The following NEB variants were observed in gnomAD, a reference collection of about 807,000 sequenced individuals.
NEB encodes nebulin, also known as nemaline myopathy type 2.
A neutral mutation model predicts 952.2 loss-of-function variants in NEB; 512 were observed. The observed-to-expected ratio is 0.54, with a 90% CI of 0.50 to 0.58. The LOEUF (loss-of-function observed/expected upper bound fraction) is 0.58. Ranked by LOEUF, NEB falls within the 20% of genes least tolerant of loss-of-function variation. NEB has a pLI of 0.00. For missense variants in NEB, 8,428 were observed against 9,231.1 expected (o/e 0.91, Z 3.56); for synonymous variants, 2,900 against 3,149.8 (o/e 0.92, Z 2.66).
At position 151,619,692 on chromosome 2, in the gene NEB, G is replaced by C; in HGVS notation, c.10631C>G (p.Pro3544Arg). ...AATGTGGAGGGACCACATTATCTTG[G>C]GGTCATCGTGTACTGCTCGGGCGCC... is the stretch of plus-strand genomic sequence containing the variant. The part of the protein sequence containing the change: ...HIGARAVHDD[P>R]KIMWSLHIAK... Residue 3544 changes from proline to arginine, a missense_variant, in exon 73 of 182, where the codon CCC becomes CGC. This residue lies in a region of NEB where 1,772 missense variants were observed against 1,960.3 expected (regional missense o/e 0.90). Coordinates refer to ENST00000397345, the MANE Select transcript of NEB (RefSeq NM_001164508.2). 1 of 1,613,858 alleles carries C rather than the reference G, an allele frequency of 6.2e-7. No individual in the cohort carries two copies. Among genetic ancestry groups the C allele is most frequent in the Non-Finnish European group, 8.5e-7 (1 of 1,179,836 alleles).
In NEB at chr2:151,555,871, TA is replaced by T. The variant is rs59427070; in HGVS notation, c.19315-828del. On this transcript the variant is annotated intron_variant, in intron 124 of 181. Coordinates refer to ENST00000397345, the MANE Select transcript of NEB (RefSeq NM_001164508.2). ...AGATGATGGCATTTAAAGGCACCGT[TA>T]AAAAAAAAAAAAACACATACACACA... Among the ~76,000 whole-genome samples, 413 of 144,112 alleles carry T rather than the reference TA, an allele frequency of 2.9e-3. 2 individuals are homozygous for T. Among genetic ancestry groups the T allele is most frequent in the African/African-American group, 7.2e-3 (284 of 39,364 alleles). 94.5% of individuals were successfully genotyped at this position (144,112 alleles called of 152,430 possible). A position where few individuals can be genotyped will look rare whatever the true frequency, so the allele number is the denominator to read the frequency against.
At position 151,611,434 on chromosome 2, in the gene NEB, A is replaced by G. The variant is rs79130216; in HGVS notation, c.11806-568T>C. On this transcript the variant is annotated intron_variant, in intron 78 of 181. Coordinates refer to ENST00000397345, the MANE Select transcript of NEB (RefSeq NM_001164508.2). ...TTATCATTGTGGTTGCTGTTGATGGATATAGTATAAAAGAGTTTCTAGAGT... is the reference window on the plus strand; with the variant it reads ...TTATCATTGTGGTTGCTGTTGATGGGTATAGTATAAAAGAGTTTCTAGAGT... Among the ~76,000 whole-genome samples, 1,347 of 152,274 alleles carry G rather than the reference A, an allele frequency of 8.8e-3. 15 individuals carry two copies. Among genetic ancestry groups the G allele is most frequent in the South Asian group, 0.029 (140 of 4,818 alleles).
In NEB at chr2:151,567,343, T is replaced by A; in HGVS notation, c.17981A>T (p.His5994Leu). 12 of 1,613,934 alleles carry A rather than the reference T, an allele frequency of 7.4e-6. No individual in the cohort carries two copies. Among genetic ancestry groups the A allele is most frequent in the Non-Finnish European group, 1.0e-5 (12 of 1,179,846 alleles). ...QNERLYKEDYHKTKAKINIPA... is the reference protein window; with the variant it reads ...QNERLYKEDYLKTKAKINIPA... ...TATATTGATTTTGGCCTTTGTTTTG[T>A]GATAGTCCTCTTTGTATAGTCTCTC... is the stretch of plus-strand genomic sequence containing the variant. The change falls in exon 114 of 182, where the codon CAC becomes CTC. Residue 5994 changes from histidine to leucine, a missense_variant. His to Leu is a moderately conservative substitution (Grantham distance 99). Around this residue, in one of 11 missense-constraint regions of NEB, gnomAD observed 3,374 missense variants for 3,651.5 expected, o/e 0.92. Transcript: ENST00000397345.
chr2:151,558,987 A>C (rs1395568227), intron 124 of NEB, among the ~76,000 whole-genome samples: 2 of 152,208 alleles, frequency 1.3e-5, no homozygotes, highest in Non-Finnish European at 2.9e-5. Flanking sequence ...AGAAACTACT[A>C]TCAGAGTGAA....
chr2:151,633,079 T>C (rs1384274618), intron 65 of NEB, among the ~76,000 whole-genome samples: 10 of 152,198 alleles, frequency 6.6e-5, no homozygotes, highest in Non-Finnish European at 1.5e-4. Flanking sequence ...TCAAAGTTTA[T>C]AAAATACCTA....
Position 151,650,378 on chromosome 2 carries a change from T to C in NEB, c.7229A>G (p.Asn2410Ser). Residue 2410 changes from asparagine to serine, a missense_variant and splice_region_variant, in exon 54 of 182, where the codon AAT becomes AGT. Asn to Ser is a conservative substitution (Grantham distance 46). Transcript: ENST00000397345. Reference sequence around the variant, plus strand: ...CCACTCAAGGTCAGATTTATATAGATTCTGTGAAAAGACAGAGCAAGCCAT... The same window carrying C: ...CCACTCAAGGTCAGATTTATATAGACTCTGTGAAAAGACAGAGCAAGCCAT... ...AKKVYELQSENLYKSDLEWLR... is the reference protein window; with the variant it reads ...AKKVYELQSESLYKSDLEWLR... 6.2e-7 allele frequency: 1 copy of C among 1,613,508 alleles called. No homozygotes were observed. The highest frequency in any genetic ancestry group is 1.3e-5 in the African/African-American group (1 of 75,034).
intron 153 of NEB, among the ~76,000 whole-genome samples, chr2:151,521,398 T>A (rs548535958): frequency 2.4e-4 from 37 of 152,210 alleles, no homozygotes; most frequent in African/African-American, 7.5e-4. Flanking sequence ...TGAAAAAGTT[T>A]CACTCTCAAC....
At chr2:151,506,841 G>T in intron 163 of NEB, 68 bp downstream of exon 163, 1 of 1,012,854 alleles carries the variant, frequency 9.9e-7, no homozygotes. Flanking sequence ...TATAAGGCTA[G>T]TATATTTTTA....
intron 129 of NEB, among the ~76,000 whole-genome samples, chr2:151,551,205 G>A (rs757005119): frequency 4.0e-5 from 6 of 151,894 alleles, no homozygotes; most frequent in Non-Finnish European, 5.9e-5. Flanking sequence ...CTGACCTCAG[G>A]TGATCTGCCC....
In NEB at chr2:151,625,650, A is replaced by T; in HGVS notation, c.10348-12T>A. ...TCTGTGTATAAGCGCTGTGAAGGAT[A>T]AAAAGGTTAATGAATTAGAAAAACA... is the stretch of plus-strand genomic sequence containing the variant. On this transcript the variant is annotated splice_polypyrimidine_tract_variant and intron_variant, in intron 70 of 181. Transcript: ENST00000397345. The T allele has an allele frequency of 6.5e-7, 1 of 1,539,780 alleles. No homozygotes were observed.
rs752233745 is a variant in NEB, at chr2:151,554,963, G to A, written c.19396C>T (p.Arg6466Trp). 177 of 1,613,608 alleles carry A rather than the reference G, an allele frequency of 1.1e-4. No homozygotes were observed. Among genetic ancestry groups the A allele is most frequent in the Non-Finnish European group, 1.5e-4 (172 of 1,179,698 alleles). ...RSVDDDPNTA[R>W]CLRVGKLNID... is the part of the protein sequence containing the mutation. The stretch of plus-strand genomic sequence containing the variant: ...TTAAGCTTGCCAACTCGGAGGCACC[G>A]TGCTGTGTTCGGATCATCGTCAACA... The change falls in exon 125 of 182, where the codon CGG (arginine) becomes TGG (tryptophan). Residue 6466 changes from arginine to tryptophan, a missense_variant. Arg to Trp is a moderately radical substitution (Grantham distance 101). Around this residue, in one of 11 missense-constraint regions of NEB, gnomAD observed 3,374 missense variants for 3,651.5 expected, o/e 0.92. Transcript: ENST00000397345.
At chr2:151,674,803 G>A (rs2099346290) in intron 35 of NEB, among the ~76,000 whole-genome samples, 1 of 152,148 alleles carries the variant, frequency 6.6e-6, no homozygotes, top group Non-Finnish European at 1.5e-5. Context: ...ATTGAAGAGA[G>A]GAATATTGAA....
intron 92 of NEB, among the ~76,000 whole-genome samples, chr2:151,594,573 C>G (rs2097362593): frequency 6.9e-6 from 1 of 145,774 alleles, no homozygotes; most frequent in Non-Finnish European, 1.5e-5. Context: ...CTAACATTTA[C>G]TAAGTAATTA....
chr2:151,695,362 C>T (rs911090855), intron 18 of NEB, among the ~76,000 whole-genome samples: 2 of 152,070 alleles, frequency 1.3e-5, no homozygotes, highest in Non-Finnish European at 2.9e-5. Context: ...CTATATATTA[C>T]GATTATCTAA....
chr2:151,537,566 T>C (rs1270122778), intron 140 of NEB, among the ~76,000 whole-genome samples: 38 of 152,224 alleles, frequency 2.5e-4, no homozygotes, highest in Admixed American at 2.5e-3. Context: ...GTGTCTTAAT[T>C]GCTTCATGAA....
intron 125 of NEB, among the ~76,000 whole-genome samples, chr2:151,554,340 T>C (rs940265106): frequency 2.0e-5 from 3 of 151,814 alleles, no homozygotes; most frequent in African/African-American, 7.3e-5. Flanking sequence ...GCAGGAGAAT[T>C]GCTTGAGCCC....
At position 151,527,497 on chromosome 2, in the gene NEB, G is replaced by C. The variant is rs775485695; in HGVS notation, c.21824C>G (p.Ser7275Cys). The C allele has an allele frequency of 1.9e-6, 3 of 1,613,062 alleles. No individual in the cohort carries two copies. The East Asian group carries it at 6.7e-5, about 36-fold the overall frequency. ...CTGTCTTACATCGCTTTGCTGCAGG[G>C]ATGACTTGGCAGCCTGGAGGAAGTC... Reference protein sequence around the residue: ...RPDFLQAAKSSLQQSDFEYKL... With the variant: ...RPDFLQAAKSCLQQSDFEYKL... Residue 7275 changes from serine to cysteine, a missense_variant, in exon 147 of 182, where the codon TCC (serine) becomes TGC (cysteine). Ser to Cys is a moderately radical substitution (Grantham distance 112). Around this residue, in one of 11 missense-constraint regions of NEB, gnomAD observed 3,374 missense variants for 3,651.5 expected, o/e 0.92. Coordinates refer to ENST00000397345, the MANE Select transcript of NEB (RefSeq NM_001164508.2).
chr2:151,648,727 A>G (rs1294028979), intron 54 of NEB, among the ~76,000 whole-genome samples: 1 of 152,200 alleles, frequency 6.6e-6, no homozygotes, highest in African/African-American at 2.4e-5. Context: ...AAATATTTCT[A>G]GATGTTGCTA....
chr2:151,616,256 G>C, intron 75 of NEB, 147 bp from the exon 76 acceptor site: 4 of 537,814 alleles, frequency 7.4e-6, no homozygotes, highest in African/African-American at 2.0e-5. Context: ...TTTGCCTCAT[G>C]GGTGCTTAGG....
Sources: gnomAD v4.1 joint callset for allele counts (sites outside exome capture counted in the v4.1 genomes callset) on GRCh38, gnomAD v4.1.1 for gene constraint, gnomAD v4.1.1 regional missense constraint, MANE v1.5 for transcripts, NCBI Gene and HGNC (gene_info 2026-07-23, HGNC 2026-07-21) for gene names.